Variants in PTPRN2 observed in about 807,000 individuals in gnomAD.
PTPRN2 encodes the protein protein tyrosine phosphatase receptor type N2.
Under a neutral mutation model 118.8 loss-of-function variants are expected in PTPRN2, and 74 were observed. The observed-to-expected ratio is 0.62, with a 90% CI of 0.52 to 0.76. PTPRN2 has a LOEUF of 0.76. Ranked by LOEUF, PTPRN2 falls within the 30% of genes least tolerant of loss-of-function variation. PTPRN2 has a pLI of 0.00. For missense variants in PTPRN2, 1,481 were observed against 1,394.4 expected, an observed-to-expected ratio of 1.06 and a Z score of -0.99; for synonymous variants, 641 against 608.0, an observed-to-expected ratio of 1.05 and a Z score of -0.80.
At chr7:158,023,952 C>A (rs142529788) in intron 11 of PTPRN2, among the ~76,000 whole-genome samples, 8 of 151,610 alleles carry the variant, frequency 5.3e-5, no homozygotes, top group Non-Finnish European at 8.8e-5. Context: ...ACACACATGC[C>A]GGCACACACA....
intron 12 of PTPRN2, among the ~76,000 whole-genome samples, chr7:157,694,449 TCA>T (rs1178403990): frequency 6.6e-6 from 1 of 152,100 alleles, no homozygotes; most frequent in Non-Finnish European, 1.5e-5. Flanking sequence ...CGGCCTGACC[TCA>T]GTGGGGCTGC....
At chr7:157,901,777 G>A (rs143681704) in intron 11 of PTPRN2, among the ~76,000 whole-genome samples, 3,715 of 26,988 alleles carry the variant, frequency 0.14, 108 homozygotes, top group East Asian at 0.21. Flanking sequence ...CTGAGGCGGG[G>A]CCTTCCCGTC....
intron 2 of PTPRN2, among the ~76,000 whole-genome samples, chr7:158,340,375 ACCCATAC>A (rs1806448206): frequency 2.8e-5 from 2 of 72,686 alleles, no homozygotes; most frequent in Non-Finnish European, 5.8e-5. Context: ...GGTCACTCAC[ACCCATAC>A]TCTCACCATA....
At chr7:158,398,086 A>G (rs774708701) in intron 2 of PTPRN2, among the ~76,000 whole-genome samples, 1 of 152,226 alleles carries the variant, frequency 6.6e-6, no homozygotes, top group Non-Finnish European at 1.5e-5. Context: ...CACACATTCC[A>G]TGGTCCTGAG....
intron 14 of PTPRN2, among the ~76,000 whole-genome samples, chr7:157,641,509 C>T (rs113158985): frequency 2.6e-5 from 4 of 152,242 alleles, no homozygotes; most frequent in East Asian, 1.9e-4. Context: ...TTTTTCTTTA[C>T]GGCAGTATGG....
chr7:157,785,912 C>T lies in PTPRN2; in HGVS notation c.1789-102975G>A, dbSNP rs1364474931. ...TTTTGTGTGCGTGTTCACCAGCCTG[C>T]TCACCTGGGTAGCAGGGTGGGAGGG... On this transcript the variant is annotated intron_variant, in intron 12 of 22. Transcript: ENST00000389418. This position sits in a 1 kb window ranked among gnomAD's most constrained non-coding sequence, Gnocchi z 7.3. 6.6e-6 allele frequency among the ~76,000 whole-genome samples: 1 copy of T among 152,092 alleles called. No homozygotes were observed. The highest frequency in any genetic ancestry group is 1.5e-5 in the Non-Finnish European group (1 of 68,004).
At chr7:158,111,802 G>C (rs139018306) in intron 9 of PTPRN2, among the ~76,000 whole-genome samples, 2 of 152,130 alleles carry the variant, frequency 1.3e-5, no homozygotes, top group East Asian at 3.9e-4. Flanking sequence ...ATGATGGGTT[G>C]AATTATGTCA....
At chr7:157,733,364 T>C (rs533227860) in intron 12 of PTPRN2, among the ~76,000 whole-genome samples, 10 of 56,844 alleles carry the variant, frequency 1.8e-4, no homozygotes, top group Admixed American at 3.1e-4. Context: ...GCACAGTTAC[T>C]CTTTTCCGTC....
rs1159433163 is a variant in PTPRN2 at position 157,629,570 on chromosome 7, T to TC, written c.2197-8062dup. Among the ~76,000 whole-genome samples, 3 of 151,716 alleles carry TC rather than the reference T, an allele frequency of 2.0e-5. No individual in the cohort carries two copies. The highest frequency in any genetic ancestry group is 2.9e-5 in the Non-Finnish European group (2 of 67,966). ...AACCACTCGTGCAGTGGAAAGTGAG[T>TC]CCCCACGGATGACTGGAGGCGCCCA... On this transcript the variant is annotated intron_variant, in intron 14 of 22. Coordinates refer to ENST00000389418, the MANE Select transcript of PTPRN2 (RefSeq NM_002847.5). The surrounding 1 kb of genome is among the most constrained non-coding windows in gnomAD (Gnocchi z 4.4).
chr7:158,108,280 C>A (rs1157420194), intron 10 of PTPRN2, among the ~76,000 whole-genome samples: 1 of 152,028 alleles, frequency 6.6e-6, no homozygotes, highest in African/African-American at 2.4e-5. Context: ...GATCTCTGTG[C>A]TCCCATTGCC....
At chr7:158,489,508 A>G (rs1821274615) in intron 2 of PTPRN2, among the ~76,000 whole-genome samples, 1 of 152,176 alleles carries the variant, frequency 6.6e-6, no homozygotes, top group Non-Finnish European at 1.5e-5. Context: ...CAAAATCAGA[A>G]AGCAAGGGTT....
intron 1 of PTPRN2, among the ~76,000 whole-genome samples, chr7:158,523,679 G>T: frequency 6.8e-6 from 1 of 147,916 alleles, no homozygotes; most frequent in Non-Finnish European, 1.5e-5. Flanking sequence ...GCCCTGGAGC[G>T]GAGTCGTCTG....
At chr7:158,449,669 A>G (rs1253164623) in intron 2 of PTPRN2, among the ~76,000 whole-genome samples, 1 of 152,214 alleles carries the variant, frequency 6.6e-6, no homozygotes, top group Non-Finnish European at 1.5e-5. Context: ...TCTTTGCCTT[A>G]GTGATTTCCA....
intron 14 of PTPRN2, among the ~76,000 whole-genome samples, chr7:157,642,635 G>A (rs1177451277): frequency 5.3e-5 from 8 of 152,064 alleles, no homozygotes; most frequent in Non-Finnish European, 2.9e-5. Context: ...CTGACTTTAT[G>A]CACCAGCTTC....
At chr7:158,316,784 G>A (rs550959213) in intron 3 of PTPRN2, 35 bp downstream of exon 3, 35 of 1,515,272 alleles carry the variant, frequency 2.3e-5, no homozygotes, top group African/African-American at 2.2e-4. Flanking sequence ...CGCTCAGTGC[G>A]GCAGCCGCCG....
chr7:157,621,122 CCCCTCCTGT>C (rs1803175392), intron 15 of PTPRN2, among the ~76,000 whole-genome samples: 2 of 128,500 alleles, frequency 1.6e-5, no homozygotes, highest in Admixed American at 7.7e-5. Flanking sequence ...GGCCAGTTTC[CCCCTCCTGT>C]AACCCAGTCC....
intron 2 of PTPRN2, among the ~76,000 whole-genome samples, chr7:158,432,049 T>A (rs1563286240): frequency 2.0e-5 from 3 of 152,350 alleles, no homozygotes; most frequent in East Asian, 3.9e-4. Context: ...TTTGGTCACA[T>A]GACCCCTCCT....
At chr7:157,765,289 A>T (rs562576288) in intron 12 of PTPRN2, among the ~76,000 whole-genome samples, 6 of 139,638 alleles carry the variant, frequency 4.3e-5, no homozygotes, top group Middle Eastern at 9.3e-3. Flanking sequence ...TCATCCACCC[A>T]TCCAACCATC....
intron 12 of PTPRN2, among the ~76,000 whole-genome samples, chr7:157,896,257 G>A (rs1428655678): frequency 2.0e-5 from 3 of 151,190 alleles, no homozygotes; most frequent in African/African-American, 4.9e-5. Context: ...GGAGGAGCTG[G>A]GAAGATGAAA....
Sources: allele counts gnomAD v4.1 joint callset (sites outside exome capture counted in the v4.1 genomes callset), GRCh38; gene constraint gnomAD v4.1.1; non-coding constraint Gnocchi (gnomAD v3.1); transcripts MANE v1.5; gene names NCBI Gene and HGNC (gene_info 2026-07-23, HGNC 2026-07-21).